Variants in THNSL1 observed in about 807,000 individuals in gnomAD.
The protein encoded by THNSL1 is threonine synthase-like 1.
In THNSL1, 48 loss-of-function variants were observed where a neutral mutation model predicts 50.4. That is an observed-to-expected ratio of 0.95 (90% CI 0.76 to 1.21). The LOEUF (loss-of-function observed/expected upper bound fraction) is 1.21. Among genes scored for constraint, THNSL1 ranks in the 50% most tolerant of loss-of-function variants. THNSL1 has a pLI of 0.00. For synonymous variants in THNSL1, 309 were observed against 306.1 expected, an observed-to-expected ratio of 1.01 and a Z score of -0.10; for missense variants, 896 against 871.7, an observed-to-expected ratio of 1.03 and a Z score of -0.35.
the THNSL1 span, among the ~76,000 whole-genome samples, chr10:24,988,664 G>GTATATATATA: frequency 1.0e-5 from 1 of 98,844 alleles, no homozygotes; most frequent in Non-Finnish European, 2.1e-5. Context: ...CACAGCATAT[G>GTATATATATA]TATATATATA....
At chr10:24,974,005 C>T in the THNSL1 span, among the ~76,000 whole-genome samples, 1 of 152,078 alleles carries the variant, frequency 6.6e-6, no homozygotes, top group Non-Finnish European at 1.5e-5. Context: ...CCACCCACCT[C>T]GGCCTCCCAA....
the THNSL1 span, among the ~76,000 whole-genome samples, chr10:24,967,751 T>A: frequency 1.3e-5 from 2 of 151,688 alleles, no homozygotes; most frequent in South Asian, 2.1e-4. Context: ...GTATGTATGA[T>A]GTATGTATAT....
chr10:24,979,020 G>A, the THNSL1 span, among the ~76,000 whole-genome samples: 1 of 152,100 alleles, frequency 6.6e-6, no homozygotes, highest in Non-Finnish European at 1.5e-5. Flanking sequence ...AAATTATTTT[G>A]CTCTTTTCTT....
At chr10:24,979,174 A>C in the THNSL1 span, among the ~76,000 whole-genome samples, 4 of 152,232 alleles carry the variant, frequency 2.6e-5, no homozygotes, top group African/African-American at 9.6e-5. Flanking sequence ...TGGCTTCCTT[A>C]ACTGCCGAAA....
In THNSL1 at chr10:25,025,947, C is replaced by G. The variant is rs115303929; in HGVS notation, c.*492C>G. The G allele has an allele frequency of 4.6e-3, 740 of 159,836 alleles. 3 individuals carry two copies. The highest frequency in any genetic ancestry group is 0.017 in the African/African-American group (699 of 41,576). The allele number at this position is 159,836 out of a possible 1,614,324, so 9.9% of individuals were successfully genotyped here. Reference sequence around the variant, plus strand: ...TTTTGTTTGTTTTTTGGTGCAGTTTCAGCTCACTGCAACCTCCGCCTCCCA... The same window carrying G: ...TTTTGTTTGTTTTTTGGTGCAGTTTGAGCTCACTGCAACCTCCGCCTCCCA... On this transcript the variant is annotated 3_prime_UTR_variant, in exon 3 of 3. Transcript: ENST00000376356.
chr10:24,967,682 A>G, the THNSL1 span, among the ~76,000 whole-genome samples: 1 of 137,242 alleles, frequency 7.3e-6, no homozygotes, highest in Admixed American at 7.0e-5. Context: ...TGTGTGTATG[A>G]TGTGTCCATA....
chr10:25,009,814 G>T, the THNSL1 span, among the ~76,000 whole-genome samples: 1 of 149,834 alleles, frequency 6.7e-6, no homozygotes, highest in Non-Finnish European at 1.5e-5. Context: ...ACACACTCTC[G>T]TTTCCCACTA....
the THNSL1 span, among the ~76,000 whole-genome samples, chr10:25,007,719 C>T: frequency 6.6e-6 from 1 of 152,050 alleles, no homozygotes; most frequent in Non-Finnish European, 1.5e-5. Flanking sequence ...CAGGCTTGAG[C>T]GACTGCGCCC....
At chr10:25,000,517 G>A in the THNSL1 span, among the ~76,000 whole-genome samples, 2 of 152,044 alleles carry the variant, frequency 1.3e-5, no homozygotes, top group African/African-American at 2.4e-5. Flanking sequence ...TAGCATTTAG[G>A]ATTGTTATAT....
At chr10:24,966,087 A>G in the THNSL1 span, among the ~76,000 whole-genome samples, 1 of 152,244 alleles carries the variant, frequency 6.6e-6, no homozygotes, top group East Asian at 1.9e-4. Flanking sequence ...TGCCCTTAAG[A>G]ATACTTTGCC....
chr10:25,017,387 C>T (rs1412076424), intron 1 of THNSL1, among the ~76,000 whole-genome samples: 1 of 152,048 alleles, frequency 6.6e-6, no homozygotes, highest in Admixed American at 6.5e-5. Flanking sequence ...ATGGATGCCT[C>T]TGAACCACCG....
chr10:24,984,434 C>T, the THNSL1 span: 1 of 1,538,416 alleles, frequency 6.5e-7, no homozygotes, highest in Non-Finnish European at 8.7e-7. Context: ...TTTTCAGGAC[C>T]TAGAAATTAA....
At chr10:25,023,038 A>C in intron 2 of THNSL1, 138 bp from the exon 3 acceptor site, 1 of 515,978 alleles carries the variant, frequency 1.9e-6, no homozygotes, top group East Asian at 3.2e-5. Flanking sequence ...TTTTAATTCC[A>C]TAAGTTTGGA....
Position 25,023,889 on chromosome 10 carries a change from A to G in THNSL1, c.666A>G (p.Arg222=), listed in dbSNP as rs1221885449. ...VADKVLNAIK[R]YQDVDSETFI... is the part of the protein sequence containing the mutation. ...ACAAAGTGCTGAATGCAATTAAAAG[A>G]TACCAAGATGTGGACTCGGAAACAT... The change falls in exon 3 of 3, where the codon AGA becomes AGG. Residue 222 remains arginine, a synonymous_variant. Coordinates refer to ENST00000376356, the MANE Select transcript of THNSL1 (RefSeq NM_024838.5). 2 of 1,614,198 alleles carry G rather than the reference A, an allele frequency of 1.2e-6. No homozygotes were observed. The highest frequency in any genetic ancestry group is 1.7e-5 in the Admixed American group (1 of 60,026).
chr10:24,999,295 A>G, the THNSL1 span: 2 of 1,112,672 alleles, frequency 1.8e-6, no homozygotes, highest in Non-Finnish European at 2.5e-6. Flanking sequence ...AATATGAGGT[A>G]AAGCTGCTAT....
At chr10:25,002,241 T>C in the THNSL1 span, among the ~76,000 whole-genome samples, 2 of 152,192 alleles carry the variant, frequency 1.3e-5, no homozygotes, top group Non-Finnish European at 2.9e-5. Context: ...TGTTGGTTAT[T>C]TACTTGGCCT....
At chr10:24,983,541 T>G in the THNSL1 span, 1 of 152,246 alleles carries the variant, frequency 6.6e-6, no homozygotes, top group Non-Finnish European at 1.5e-5. Flanking sequence ...ATATTATCCT[T>G]TATTTTATAT....
chr10:25,014,514 T>A (rs1398079886), upstream of THNSL1, among the ~76,000 whole-genome samples: 3 of 151,644 alleles, frequency 2.0e-5, no homozygotes. Flanking sequence ...TCCTATAAAT[T>A]TTTTTTGAAA....
intron 1 of THNSL1, among the ~76,000 whole-genome samples, chr10:25,021,047 C>A (rs955690296): frequency 6.6e-6 from 1 of 152,140 alleles, no homozygotes; most frequent in African/African-American, 2.4e-5. Flanking sequence ...CTGTGCATGG[C>A]AAAACAGTTC....
Sources: allele counts gnomAD v4.1 joint callset (sites outside exome capture counted in the v4.1 genomes callset), GRCh38; gene constraint gnomAD v4.1.1; transcripts MANE v1.5; gene names NCBI Gene and HGNC (gene_info 2026-07-23, HGNC 2026-07-21).